ZCWPW2: variants seen among roughly 807,000 people sequenced by gnomAD.
ZCWPW2 encodes the protein zinc finger CW-type PWWP domain protein 2.
In ZCWPW2, 45 loss-of-function variants were observed where a neutral mutation model predicts 46.6. That is an observed-to-expected ratio of 0.96 (90% CI 0.76 to 1.24). The LOEUF is 1.24. ZCWPW2 is among the 50% of genes most tolerant of loss of function. The pLI is 0.00. For missense variants in ZCWPW2, 429 were observed against 403.9 expected (o/e 1.06, Z -0.53); for synonymous variants, 152 against 137.1 (o/e 1.11, Z -0.76).
intron 4 of ZCWPW2, among the ~76,000 whole-genome samples, chr3:28,466,015 G>A (rs1412106195): frequency 1.3e-5 from 2 of 152,154 alleles, no homozygotes; most frequent in Non-Finnish European, 2.9e-5. Flanking sequence ...ACAAAATCAT[G>A]TCATTTGTAG....
At chr3:28,365,680 G>A (rs1451504750) in intron 1 of ZCWPW2, among the ~76,000 whole-genome samples, 1 of 140,976 alleles carries the variant, frequency 7.1e-6, no homozygotes, top group African/African-American at 2.5e-5. Context: ...CCAATTCTGT[G>A]AAGAAAGTCA....
intron 1 of ZCWPW2, among the ~76,000 whole-genome samples, chr3:28,385,931 C>CTT (rs1292186546): frequency 4.2e-5 from 6 of 141,240 alleles, no homozygotes; most frequent in South Asian, 4.5e-4. Flanking sequence ...GGCTTTTAAG[C>CTT]TTTTTTTTTT....
chr3:28,490,255 T>G (rs1699760493), intron 5 of ZCWPW2, among the ~76,000 whole-genome samples: 1 of 152,152 alleles, frequency 6.6e-6, no homozygotes, highest in Non-Finnish European at 1.5e-5. Flanking sequence ...TGTAAAGCAG[T>G]TTGGCAATTT....
At chr3:28,479,019 T>A in intron 5 of ZCWPW2, 88 bp downstream of exon 5, 1 of 790,892 alleles carries the variant, frequency 1.3e-6, no homozygotes, top group Non-Finnish European at 2.0e-6. Flanking sequence ...TTCAAAAATC[T>A]CTATCTCTTT....
intron 4 of ZCWPW2, among the ~76,000 whole-genome samples, chr3:28,450,039 C>A (rs1698163043): frequency 6.6e-6 from 1 of 152,190 alleles, no homozygotes; most frequent in Admixed American, 6.5e-5. Context: ...GAGCCTCACT[C>A]TACTGGATCA....
chr3:28,516,565 A>G (rs185583985), intron 8 of ZCWPW2, among the ~76,000 whole-genome samples: 27 of 152,312 alleles, frequency 1.8e-4, no homozygotes, highest in African/African-American at 6.5e-4. Context: ...GCTTATTTGC[A>G]ATGTGGAACT....
At chr3:28,420,188 A>G (rs1172078408) in intron 3 of ZCWPW2, among the ~76,000 whole-genome samples, 3 of 151,670 alleles carry the variant, frequency 2.0e-5, no homozygotes, top group Non-Finnish European at 4.4e-5. Flanking sequence ...TAGCTTTTGA[A>G]TGTGTTTGCT....
At chr3:28,481,431 C>T (rs554832995) in intron 5 of ZCWPW2, among the ~76,000 whole-genome samples, 14 of 151,966 alleles carry the variant, frequency 9.2e-5, no homozygotes, top group Non-Finnish European at 1.3e-4. Context: ...TTAGTAGAGA[C>T]GAGGTTTCAC....
At chr3:28,362,671 C>T (rs1451313848) in intron 1 of ZCWPW2, among the ~76,000 whole-genome samples, 3 of 152,064 alleles carry the variant, frequency 2.0e-5, no homozygotes, top group Non-Finnish European at 4.4e-5. Flanking sequence ...GTGGCAGTTC[C>T]TCAAAGAACT....
chr3:28,457,357 A>C (rs1214013178), intron 4 of ZCWPW2, among the ~76,000 whole-genome samples: 1 of 152,196 alleles, frequency 6.6e-6, no homozygotes, highest in East Asian at 1.9e-4. Flanking sequence ...CTAGAGTTTC[A>C]CCTTAAACAC....
intron 9 of ZCWPW2, among the ~76,000 whole-genome samples, chr3:28,522,869 T>C (rs1700758340): frequency 6.6e-6 from 1 of 152,202 alleles, no homozygotes; most frequent in Non-Finnish European, 1.5e-5. Context: ...TACAAATTAT[T>C]CTTTTTCAGC....
chr3:28,393,277 T>C (rs1389346457), intron 2 of ZCWPW2, among the ~76,000 whole-genome samples: 1 of 152,098 alleles, frequency 6.6e-6, no homozygotes, highest in Non-Finnish European at 1.5e-5. Context: ...AATAGGCTAA[T>C]AATAAGTAAG....
At chr3:28,489,431 G>A (rs1159928433) in intron 5 of ZCWPW2, among the ~76,000 whole-genome samples, 1 of 151,638 alleles carries the variant, frequency 6.6e-6, no homozygotes, top group African/African-American at 2.4e-5. Flanking sequence ...TATACTATGA[G>A]ATTTTAGTGA....
chr3:28,491,841 A>G (rs1699821776), intron 5 of ZCWPW2, among the ~76,000 whole-genome samples: 1 of 152,134 alleles, frequency 6.6e-6, no homozygotes, highest in African/African-American at 2.4e-5. Context: ...GAACCTAGAA[A>G]TAAGATATAC....
intron 6 of ZCWPW2, among the ~76,000 whole-genome samples, chr3:28,509,193 A>G (rs1700360242): frequency 6.6e-6 from 1 of 152,164 alleles, no homozygotes; most frequent in African/African-American, 2.4e-5. Flanking sequence ...TGGCTGAATA[A>G]TATTTCATTA....
intron 3 of ZCWPW2, among the ~76,000 whole-genome samples, chr3:28,420,657 A>G (rs191372029): frequency 6.0e-5 from 9 of 150,414 alleles, no homozygotes; most frequent in Admixed American, 6.0e-4. Flanking sequence ...TACAATTTTG[A>G]TCTTTGTAAG....
At chr3:28,389,722 A>G (rs1191740728) in intron 1 of ZCWPW2, among the ~76,000 whole-genome samples, 1 of 152,180 alleles carries the variant, frequency 6.6e-6, no homozygotes. Context: ...ATATTTATAA[A>G]GAGAGATTTA....
Position 28,521,507 on chromosome 3 carries a change from T to C in ZCWPW2, c.909+391T>C, listed in dbSNP as rs938902721. On this transcript the variant is annotated intron_variant, in intron 9 of 9. Transcript: ENST00000383768. ...GAAAATCTGCCCCGTCTGGATTATG[T>C]ACCAAGATAATCTCTACAGGGACAA... is the stretch of plus-strand genomic sequence containing the variant. Among the ~76,000 whole-genome samples the C allele has an allele frequency of 4.7e-4, 71 of 152,164 alleles. 1 individual carries two copies. Among genetic ancestry groups the C allele is most frequent in the African/African-American group, 1.6e-3 (65 of 41,442 alleles).
In ZCWPW2 at chr3:28,463,512, T is replaced by G. The variant is rs572320553; in HGVS notation, c.493-15302T>G. ...GAAGCTTATTTGAAAATTCTAAAAT[T>G]AATAGATATACTCAGATTTTAGTGA... On this transcript the variant is annotated intron_variant, in intron 4 of 9. Transcript: ENST00000383768. Among the ~76,000 whole-genome samples, 3 of 152,264 alleles carry G rather than the reference T, an allele frequency of 2.0e-5. No homozygotes were observed. The South Asian group carries it at 6.2e-4, about 32-fold the overall frequency.
Sources: gnomAD v4.1 joint callset for allele counts (sites outside exome capture counted in the v4.1 genomes callset) on GRCh38, gnomAD v4.1.1 for gene constraint, MANE v1.5 for transcripts, NCBI Gene and HGNC (gene_info 2026-07-23, HGNC 2026-07-21) for gene names.